The following JAK1 variants were observed in gnomAD, a reference collection of about 807,000 sequenced individuals.
JAK1 encodes the protein tyrosine-protein kinase JAK1.
A neutral mutation model predicts 136.6 loss-of-function variants in JAK1; 16 were observed. The observed-to-expected ratio is 0.12, with a 90% CI of 0.08 to 0.18. The LOEUF (loss-of-function observed/expected upper bound fraction) is 0.18, where lower values mean the gene tolerates loss of function less well. JAK1 is among the 10% of genes least tolerant of loss of function. JAK1 has a pLI of 1.00. For missense variants in JAK1, 859 were observed against 1,450.1 expected, an observed-to-expected ratio of 0.59 and a Z score of 6.62; for synonymous variants, 492 against 519.5, an observed-to-expected ratio of 0.95 and a Z score of 0.72.
Position 65,024,134 on chromosome 1 carries a change from G to A in JAK1, c.-78+20346C>T, listed in dbSNP as rs140069369. Among the ~76,000 whole-genome samples, 441 of 152,186 alleles carry A rather than the reference G, an allele frequency of 2.9e-3. 2 individuals are homozygous for A. The highest frequency in any genetic ancestry group is 0.01 in the African/African-American group (427 of 41,524). On this transcript the variant is annotated intron_variant, in intron 2 of 25. Transcript: ENST00000671954. ...CCATGTTTTGGGGGTATATACCTAG[G>A]AGTAGAATAGCTGGTAACTCTATGT...
chr1:64,970,720 C>T (rs559421933), upstream of JAK1, among the ~76,000 whole-genome samples: 1 of 149,880 alleles, frequency 6.7e-6, no homozygotes, highest in Non-Finnish European at 1.5e-5. Context: ...GCCTAGAGCA[C>T]ACCACTGCAC....
At chr1:65,031,859 G>T (rs1472085436) in intron 2 of JAK1, among the ~76,000 whole-genome samples, 1 of 151,972 alleles carries the variant, frequency 6.6e-6, no homozygotes, top group Non-Finnish European at 1.5e-5. Flanking sequence ...CACAGAATTT[G>T]AGACTGTATC....
At chr1:65,067,150 C>CG (rs1648090394) in intron 1 of JAK1, among the ~76,000 whole-genome samples, 1 of 151,878 alleles carries the variant, frequency 6.6e-6, no homozygotes, top group Non-Finnish European at 1.5e-5. Context: ...CGGCCCGGCC[C>CG]GCCCCGCGCC....
chr1:65,029,206 C>T (rs2100810043), intron 2 of JAK1, among the ~76,000 whole-genome samples: 1 of 152,228 alleles, frequency 6.6e-6, no homozygotes, highest in East Asian at 1.9e-4. Context: ...AGGTGATACT[C>T]CCATCTCAGC....
intron 1 of JAK1, 23 bp from the exon 2 acceptor site, chr1:64,886,364 A>C (rs2101305061): frequency 7.3e-7 from 1 of 1,376,212 alleles, no homozygotes; most frequent in Non-Finnish European, 9.8e-7. Context: ...ATAAATAAAT[A>C]AATCAGTGGC....
intron 1 of JAK1, among the ~76,000 whole-genome samples, chr1:64,933,125 T>C (rs1005436805): frequency 2.6e-5 from 4 of 151,582 alleles, no homozygotes; most frequent in Non-Finnish European, 4.4e-5. Context: ...TTTATATTCA[T>C]TGAATCCTGA....
intron 2 of JAK1, among the ~76,000 whole-genome samples, chr1:64,996,496 C>T (rs920999450): frequency 1.4e-4 from 22 of 152,118 alleles, no homozygotes; most frequent in African/African-American, 5.3e-4. Context: ...GAAAAAGAAA[C>T]AAATCTAAAA....
At chr1:64,950,666 C>T (rs961766269) in intron 1 of JAK1, among the ~76,000 whole-genome samples, 3 of 152,170 alleles carry the variant, frequency 2.0e-5, no homozygotes, top group Non-Finnish European at 2.9e-5. Context: ...AGAATCCCCA[C>T]GGTAAGGGGT....
At chr1:65,063,212 A>G (rs1303430973) in intron 1 of JAK1, among the ~76,000 whole-genome samples, 1 of 152,216 alleles carries the variant, frequency 6.6e-6, no homozygotes, top group Non-Finnish European at 1.5e-5. Flanking sequence ...GATGAGTAGA[A>G]TCACTAAAAT....
Position 64,864,982 on chromosome 1 carries a change from T to C in JAK1, c.991-10A>G, listed in dbSNP as rs925709428. The C allele has an allele frequency of 3.7e-6, 6 of 1,603,816 alleles. No homozygotes were observed. Among genetic ancestry groups the C allele is most frequent in the Non-Finnish European group, 5.1e-6 (6 of 1,173,014 alleles). ...TTTCAACAGAAACAACCTGATAAGA[T>C]ACATAAAAGGGACAGGGTTAAGTTG... On this transcript the variant is annotated splice_polypyrimidine_tract_variant and intron_variant, in intron 7 of 24. Transcript: ENST00000342505.
At chr1:64,949,832 C>G (rs1646050116) in intron 1 of JAK1, among the ~76,000 whole-genome samples, 1 of 152,124 alleles carries the variant, frequency 6.6e-6, no homozygotes, top group Non-Finnish European at 1.5e-5. Flanking sequence ...CAGAAAAATG[C>G]TAATTGTGTG....
At chr1:64,915,129 T>A (rs1284381211) in intron 1 of JAK1, among the ~76,000 whole-genome samples, 1 of 152,150 alleles carries the variant, frequency 6.6e-6, no homozygotes, top group Non-Finnish European at 1.5e-5. Context: ...GAGGCAGGAT[T>A]CCCAGCTAAA....
intron 2 of JAK1, 34 bp from the exon 3 acceptor site, chr1:64,883,509 C>T (rs913691245): frequency 7.0e-6 from 11 of 1,572,408 alleles, no homozygotes; most frequent in Admixed American, 1.7e-5. Flanking sequence ...TATGTGGTCA[C>T]TCTATGTGCT....
chr1:65,058,423 G>A (rs754800455), intron 1 of JAK1: 4 of 534,246 alleles, frequency 7.5e-6, no homozygotes, highest in Non-Finnish European at 1.5e-5. Flanking sequence ...TCTGATGGAA[G>A]GTAAGATGGC....
At chr1:65,065,218 T>A (rs1263251839) in intron 1 of JAK1, among the ~76,000 whole-genome samples, 1 of 152,192 alleles carries the variant, frequency 6.6e-6, no homozygotes, top group Non-Finnish European at 1.5e-5. Flanking sequence ...TTGGTTTTTA[T>A]AGGAGGGTCT....
chr1:65,056,380 TTTGGG>T (rs1160860670), intron 1 of JAK1, among the ~76,000 whole-genome samples: 2 of 152,206 alleles, frequency 1.3e-5, no homozygotes, highest in Non-Finnish European at 2.9e-5. Flanking sequence ...ATGGTTCCTC[TTTGGG>T]TAGAGCAGAG....
At chr1:64,880,979 A>AAATG (rs1557659935) in intron 3 of JAK1, among the ~76,000 whole-genome samples, 1 of 151,986 alleles carries the variant, frequency 6.6e-6, no homozygotes, top group Non-Finnish European at 1.5e-5. Flanking sequence ...ATAAATAAAT[A>AAATG]ATTTTTTGGC....
intron 1 of JAK1, among the ~76,000 whole-genome samples, chr1:64,928,770 A>C (rs1346724622): frequency 1.1e-5 from 1 of 94,230 alleles, no homozygotes; most frequent in Non-Finnish European, 2.2e-5. Flanking sequence ...GAGTGCTATA[A>C]AACTCTGCAA....
At chr1:64,915,957 G>T (rs1277381921) in intron 1 of JAK1, among the ~76,000 whole-genome samples, 1 of 152,106 alleles carries the variant, frequency 6.6e-6, no homozygotes, top group East Asian at 1.9e-4. Flanking sequence ...TAGCCCTCCA[G>T]GTGAGAGACT....
Sources: allele counts gnomAD v4.1 joint callset (sites outside exome capture counted in the v4.1 genomes callset), GRCh38; gene constraint gnomAD v4.1.1; transcripts MANE v1.5; gene names NCBI Gene and HGNC (gene_info 2026-07-23, HGNC 2026-07-21).